The following TEKT1 variants were observed in gnomAD, a reference collection of about 807,000 sequenced individuals.
TEKT1 encodes the protein tektin-1.
A neutral mutation model predicts 34.8 loss-of-function variants in TEKT1; 32 were observed. The ratio of observed to expected loss-of-function variants is 0.92; its 90% CI spans 0.69 to 1.23. The LOEUF (loss-of-function observed/expected upper bound fraction) is 1.23. Ranked by LOEUF, TEKT1 falls within the 50% of genes most tolerant of loss-of-function variation. The pLI is 0.00. For synonymous variants in TEKT1, 207 were observed against 199.8 expected, an observed-to-expected ratio of 1.04 and a Z score of -0.30; for missense variants, 492 against 518.5, an observed-to-expected ratio of 0.95 and a Z score of 0.50.
At chr17:6,809,683 C>A (rs1976900000) in intron 6 of TEKT1, among the ~76,000 whole-genome samples, 2 of 152,180 alleles carry the variant, frequency 1.3e-5, no homozygotes, top group South Asian at 4.1e-4. Flanking sequence ...AACCGCTGAT[C>A]TTTTTCATCT....
chr17:6,825,133 G>A (rs995499227), intron 2 of TEKT1, among the ~76,000 whole-genome samples: 12 of 152,282 alleles, frequency 7.9e-5, no homozygotes, highest in Admixed American at 3.3e-4. Context: ...GAAATGGCCA[G>A]AGAGAAAGGA....
Position 6,815,273 on chromosome 17 carries a change from C to A in TEKT1, c.519G>T (p.Lys173Asn). The A allele has an allele frequency of 1.9e-6, 3 of 1,614,220 alleles. No individual in the cohort carries two copies. The highest frequency in any genetic ancestry group is 2.5e-6 in the Non-Finnish European group (3 of 1,180,040). The part of the protein sequence containing the change: ...MNRSAKYNLE[K>N]DLKDKFVALT... ...GGGCCACAAACTTGTCCTTCAAATC[C>A]TTCTCAAGATTGTACTTGGCAGAGC... is the stretch of plus-strand genomic sequence containing the variant. Residue 173 changes from lysine (K) to asparagine (N), a missense_variant, in exon 5 of 8, where the codon AAG (lysine) becomes AAT (asparagine). Lys to Asn is a moderately conservative substitution (Grantham distance 94). Transcript: ENST00000338694.
chr17:6,812,922 C>A lies in TEKT1; in HGVS notation c.761G>T (p.Arg254Leu), dbSNP rs199699690. ...CGTGTCCACCACATCACACTGCTTG[C>A]GCAGATCATTGGCTGTCTGGGACAG... is the stretch of plus-strand genomic sequence containing the variant. ...RILSQTANDL[R>L]KQCDVVDTAF... The change falls in exon 6 of 8, where the codon CGC becomes CTC. Residue 254 changes from arginine to leucine, a missense_variant. By Grantham distance (102) the Arg-to-Leu change is moderately radical (BLOSUM62 -2). Transcript: ENST00000338694. The A allele has an allele frequency of 5.6e-6, 9 of 1,614,096 alleles. No individual in the cohort carries two copies. In the South Asian group the frequency reaches 7.7e-5, roughly 14 times the overall value.
rs187508434 is a variant in TEKT1, at chr17:6,806,800, C to T, written c.853-5857G>A. Among the ~76,000 whole-genome samples the T allele has an allele frequency of 3.3e-5, 5 of 152,338 alleles. No individual in the cohort carries two copies. The East Asian group carries it at 9.6e-4, about 29-fold the overall frequency. On this transcript the variant is annotated intron_variant, in intron 6 of 7. Coordinates refer to ENST00000338694, the MANE Select transcript of TEKT1 (RefSeq NM_053285.2). ...TAAGAATGTTGAATATCGGCCCCCA[C>T]TCTCTTCTGGCTTGTAGAGTTTCTG...
Position 6,819,350 on chromosome 17 carries a change from G to C in TEKT1, c.199C>G (p.Leu67Val), listed in dbSNP as rs1341699299. The C allele has an allele frequency of 6.2e-7, 1 of 1,613,058 alleles. No homozygotes were observed. The highest frequency in any genetic ancestry group is 2.2e-5 in the East Asian group (1 of 44,866). ...TTCTTCCAGAACTGGACTTCCTCGA[G>C]TCTCTGTTCTGAAGCACACGGGGAA... Reference protein sequence around the residue: ...SDVNKKLEQRLEEVQFWKKEL... With the variant: ...SDVNKKLEQRVEEVQFWKKEL... The change falls in exon 3 of 8, where the codon CTC becomes GTC. Residue 67 changes from leucine (L) to valine (V), a missense_variant. Coordinates refer to ENST00000338694, the MANE Select transcript of TEKT1 (RefSeq NM_053285.2).
rs199498472 is a variant in TEKT1, at chr17:6,800,047, G to A, written c.1237C>T (p.Arg413Cys). ...TACTATTAGCAGACAGCATCAGGGC[G>A]GAGGCCCCCAGCCCAGACCCCATGG... ...EDHGVWAGGL[R>C]PDAVC is the part of the protein sequence containing the mutation. Residue 413 changes from arginine to cysteine, a missense_variant, in exon 8 of 8, where the codon CGC becomes TGC. By Grantham distance (180) the Arg-to-Cys change is radical. Coordinates refer to ENST00000338694, the MANE Select transcript of TEKT1 (RefSeq NM_053285.2). 16 of 1,609,944 alleles carry A rather than the reference G, an allele frequency of 9.9e-6. No individual in the cohort carries two copies. The highest frequency in any genetic ancestry group is 4.5e-5 in the East Asian group (2 of 44,880).
chr17:6,805,895 T>C (rs1467447014), intron 6 of TEKT1, among the ~76,000 whole-genome samples: 1 of 152,238 alleles, frequency 6.6e-6, no homozygotes, highest in Non-Finnish European at 1.5e-5. Context: ...AACTTTGTGG[T>C]CAATTTTGGA....
intron 6 of TEKT1, among the ~76,000 whole-genome samples, chr17:6,802,763 G>A (rs1976793352): frequency 6.6e-6 from 1 of 151,994 alleles, no homozygotes; most frequent in African/African-American, 2.4e-5. Flanking sequence ...ATAGTTTGCT[G>A]AGAATGATGG....
chr17:6,813,983 C>T (rs1976967212), intron 5 of TEKT1, among the ~76,000 whole-genome samples: 1 of 132,764 alleles, frequency 7.5e-6, no homozygotes, highest in Non-Finnish European at 1.6e-5. Flanking sequence ...TCTCTCGGAT[C>T]ACTCATTATG....
chr17:6,820,971 T>C (rs1285703531), intron 2 of TEKT1, among the ~76,000 whole-genome samples: 5 of 152,214 alleles, frequency 3.3e-5, no homozygotes, highest in African/African-American at 1.2e-4. Context: ...TTGTAACTCT[T>C]TTTTATTTGG....
rs1433290979 is a variant in TEKT1 at position 6,800,719 on chromosome 17, G to A, written c.1049+28C>T. On this transcript the variant is annotated intron_variant, in intron 7 of 7. Coordinates refer to ENST00000338694, the MANE Select transcript of TEKT1 (RefSeq NM_053285.2). ...TCCAGGTTGGGATTGAGACCCGAAG[G>A]CCCTCTGCCCACTGGCTGCTAGCCT... The A allele has an allele frequency of 1.9e-6, 3 of 1,593,358 alleles. No individual in the cohort carries two copies. In the East Asian group the frequency reaches 6.7e-5, roughly 36 times the overall value.
At chr17:6,815,416 A>G (rs1488397898) in intron 4 of TEKT1, 110 bp from the exon 5 acceptor site, 3 of 1,315,050 alleles carry the variant, frequency 2.3e-6, no homozygotes, top group Middle Eastern at 2.2e-4. Flanking sequence ...GTGCAGGATG[A>G]TGGTACTGCC....
Position 6,800,032 on chromosome 17 carries a change from A to G in TEKT1, c.1252T>C (p.Cys418Arg), listed in dbSNP as rs1466548469. Residue 418 changes from cysteine to arginine, a missense_variant, in exon 8 of 8, where the codon TGC becomes CGC. Physicochemically the swap from Cys to Arg is radical, Grantham distance 180. Coordinates refer to ENST00000338694, the MANE Select transcript of TEKT1 (RefSeq NM_053285.2). ...WAGGLRPDAV[C>R] ...AATTGGAACTAGCCCTACTATTAGC[A>G]GACAGCATCAGGGCGGAGGCCCCCA... 7 of 1,606,102 alleles carry G rather than the reference A, an allele frequency of 4.4e-6. No individual in the cohort carries two copies. In the Admixed American group the frequency reaches 1.0e-4, roughly 23 times the overall value.
At chr17:6,827,039 A>G (rs1177057203) in intron 2 of TEKT1, among the ~76,000 whole-genome samples, 3 of 152,114 alleles carry the variant, frequency 2.0e-5, no homozygotes, top group African/African-American at 4.8e-5. Flanking sequence ...CAATTCATTG[A>G]AAAGGCTTTC....
At chr17:6,821,453 T>G (rs2151590032) in intron 2 of TEKT1, among the ~76,000 whole-genome samples, 1 of 152,340 alleles carries the variant, frequency 6.6e-6, no homozygotes, top group South Asian at 2.1e-4. Flanking sequence ...TCCTGAGGTC[T>G]CCCTAGCCAT....
At chr17:6,804,809 G>A (rs534177507) in intron 6 of TEKT1, among the ~76,000 whole-genome samples, 142 of 152,280 alleles carry the variant, frequency 9.3e-4, no homozygotes, top group African/African-American at 3.4e-3. Flanking sequence ...CAGGGATGAA[G>A]CCCACTTGAT....
chr17:6,829,494 A>T (rs547765641), intron 2 of TEKT1, among the ~76,000 whole-genome samples: 103 of 135,696 alleles, frequency 7.6e-4, no homozygotes, highest in Middle Eastern at 3.9e-3. Context: ...TCTCTCTTTC[A>T]TTCTTCCTTT....
chr17:6,811,175 C>G lies in TEKT1; in HGVS notation c.852+1656G>C, dbSNP rs1976922139. ...CTATCTCAGATCCATCTTTCAAGGC[C>G]TATACTAAGTTCTTATTCCACCAGG... On this transcript the variant is annotated intron_variant, in intron 6 of 7. Transcript: ENST00000338694. This position sits in a 1 kb window ranked among gnomAD's most constrained non-coding sequence, Gnocchi z 4.4. Among the ~76,000 whole-genome samples, 1 of 152,114 alleles carries G rather than the reference C, an allele frequency of 6.6e-6. No homozygotes were observed. The highest frequency in any genetic ancestry group is 2.4e-5 in the African/African-American group (1 of 41,408).
chr17:6,799,951 C>T lies in TEKT1; in HGVS notation c.*76G>A. 1 of 1,430,956 alleles carries T rather than the reference C, an allele frequency of 7.0e-7. No individual in the cohort carries two copies. The highest frequency in any genetic ancestry group is 2.3e-5 in the Admixed American group (1 of 42,972). 88.6% of individuals were successfully genotyped at this position (1,430,956 alleles called of 1,614,324 possible). A position where few individuals can be genotyped will look rare whatever the true frequency, so the allele number is the denominator to read the frequency against. On this transcript the variant is annotated 3_prime_UTR_variant, in exon 8 of 8. Coordinates refer to ENST00000338694, the MANE Select transcript of TEKT1 (RefSeq NM_053285.2). The stretch of plus-strand genomic sequence containing the variant: ...GCAGGCTGGCTAGAGGCCCCGCCAG[C>T]CTGAAATGAGAGCTCTGTACTACTG...
Sources: allele counts gnomAD v4.1 joint callset (sites outside exome capture counted in the v4.1 genomes callset), GRCh38; gene constraint gnomAD v4.1.1; non-coding constraint Gnocchi (gnomAD v3.1); transcripts MANE v1.5; gene names NCBI Gene and HGNC (gene_info 2026-07-23, HGNC 2026-07-21).